SMIM14: variants seen among roughly 807,000 people sequenced by gnomAD.
SMIM14 encodes the protein chromosome 4 open reading frame 34.
In SMIM14, 5 loss-of-function variants were observed where a neutral mutation model predicts 12.6. That is an observed-to-expected ratio of 0.40 (90% CI 0.21 to 0.83). SMIM14 has a LOEUF of 0.83. Among genes scored for constraint, SMIM14 ranks in the 40% least tolerant of loss-of-function variants. The probability of loss-of-function intolerance (pLI) is 0.37; values close to 1 mark genes in which losing one functional copy is unlikely to be tolerated. For missense variants in SMIM14, 86 were observed against 119.1 expected (o/e 0.72, Z 1.29); for synonymous variants, 30 against 40.1 (o/e 0.75, Z 0.95).
At chr4:39,603,483 T>C (rs898353382) in intron 2 of SMIM14, among the ~76,000 whole-genome samples, 3 of 151,694 alleles carry the variant, frequency 2.0e-5, no homozygotes, top group Non-Finnish European at 4.4e-5. Context: ...GGCGTGAACC[T>C]GGGAGGCGGA....
intron 3 of SMIM14, among the ~76,000 whole-genome samples, chr4:39,565,567 GC>G (rs1712529909): frequency 6.6e-6 from 1 of 152,144 alleles, no homozygotes; most frequent in African/African-American, 2.4e-5. Context: ...CAAGTGATCT[GC>G]CTGCTTTGGC....
At chr4:39,572,086 G>T (rs1010594227) in intron 3 of SMIM14, among the ~76,000 whole-genome samples, 1 of 151,894 alleles carries the variant, frequency 6.6e-6, no homozygotes, top group African/African-American at 2.4e-5. Flanking sequence ...TTCCAGGTGT[G>T]AGCCACTGCA....
At chr4:39,565,158 C>T (rs907826521) in intron 3 of SMIM14, among the ~76,000 whole-genome samples, 5 of 152,148 alleles carry the variant, frequency 3.3e-5, no homozygotes, top group African/African-American at 1.2e-4. Flanking sequence ...GTTGAGGTTG[C>T]AGCAAGCCAT....
intron 2 of SMIM14, among the ~76,000 whole-genome samples, chr4:39,604,724 T>C (rs188955518): frequency 3.3e-4 from 50 of 151,682 alleles, no homozygotes; most frequent in Non-Finnish European, 6.3e-4. Context: ...AATTCTCGTG[T>C]CTCAGCCTTC....
intron 1 of SMIM14, among the ~76,000 whole-genome samples, chr4:39,630,736 C>G (rs765605335): frequency 6.6e-6 from 1 of 151,712 alleles, no homozygotes; most frequent in Non-Finnish European, 1.5e-5. Context: ...GTGGTGGGTG[C>G]CTGTAGTCCC....
At chr4:39,638,194 G>A (rs1204389144) in intron 1 of SMIM14, 1 of 152,316 alleles carries the variant, frequency 6.6e-6, no homozygotes. Flanking sequence ...TCCACTTACT[G>A]AGCAAACAGA....
At chr4:39,571,897 A>G (rs972491251) in intron 3 of SMIM14, among the ~76,000 whole-genome samples, 4 of 151,192 alleles carry the variant, frequency 2.6e-5, no homozygotes, top group Non-Finnish European at 5.9e-5. Flanking sequence ...CAACCTCCCC[A>G]GGCTCAGGTG....
chr4:39,594,564 A>C (rs1168985052), intron 2 of SMIM14: 2 of 148,554 alleles, frequency 1.3e-5, no homozygotes, highest in Non-Finnish European at 3.0e-5. Context: ...GGATCTAATT[A>C]AACTAAAGAG....
chr4:39,624,309 T>C (rs1374263948), intron 1 of SMIM14, among the ~76,000 whole-genome samples: 2 of 152,114 alleles, frequency 1.3e-5, no homozygotes, highest in Non-Finnish European at 2.9e-5. Context: ...GAAAATTTTC[T>C]GTTTTTAAAA....
intron 2 of SMIM14, among the ~76,000 whole-genome samples, chr4:39,591,834 G>A (rs1714096718): frequency 6.6e-6 from 1 of 152,110 alleles, no homozygotes; most frequent in South Asian, 2.1e-4. Flanking sequence ...CCAAAGTGCT[G>A]GGATTACAGG....
intron 2 of SMIM14, among the ~76,000 whole-genome samples, chr4:39,580,994 G>A (rs1365921541): frequency 6.6e-6 from 1 of 151,952 alleles, no homozygotes; most frequent in Non-Finnish European, 1.5e-5. Flanking sequence ...TCACATCATT[G>A]CAATATTATA....
intron 1 of SMIM14, among the ~76,000 whole-genome samples, chr4:39,617,353 GAA>G: frequency 6.6e-6 from 1 of 152,256 alleles, no homozygotes; most frequent in Admixed American, 6.5e-5. Flanking sequence ...TGTGTTTTCT[GAA>G]ATTACACCAT....
chr4:39,600,591 G>A (rs1293835710), intron 2 of SMIM14, among the ~76,000 whole-genome samples: 2 of 152,186 alleles, frequency 1.3e-5, no homozygotes, highest in African/African-American at 4.8e-5. Context: ...TCAGGAGGCT[G>A]AGGCAGGAGA....
rs576492408 is a variant in SMIM14, at chr4:39,592,352, C to G, written c.75+12719G>C. On this transcript the variant is annotated intron_variant, in intron 2 of 4. Coordinates refer to ENST00000295958, the MANE Select transcript of SMIM14 (RefSeq NM_174921.3). ...TCCTGCCTTTAAACAATCCTCCCGC[C>G]TCTGCCTCCGAAAGTGCTGAGATTA... Among the ~76,000 whole-genome samples, 397 of 151,298 alleles carry G rather than the reference C, an allele frequency of 2.6e-3. 2 individuals are homozygous for G. The highest frequency in any genetic ancestry group is 3.7e-3 in the Non-Finnish European group (249 of 67,892).
chr4:39,606,937 G>C (rs1364878505), intron 1 of SMIM14, among the ~76,000 whole-genome samples: 1 of 152,104 alleles, frequency 6.6e-6, no homozygotes, highest in Non-Finnish European at 1.5e-5. Flanking sequence ...ACACCAGATG[G>C]GTTTAACAGC....
At position 39,554,477 on chromosome 4, in the gene SMIM14, G is replaced by A. The variant is rs1021037140; in HGVS notation, c.267+1951C>T. Among the ~76,000 whole-genome samples, 6 of 151,890 alleles carry A rather than the reference G, an allele frequency of 4.0e-5. No homozygotes were observed. In the South Asian group the frequency reaches 1.2e-3, roughly 31 times the overall value. On this transcript the variant is annotated intron_variant, in intron 4 of 4. Coordinates refer to ENST00000295958, the MANE Select transcript of SMIM14 (RefSeq NM_174921.3). ...CCAAAAATTAGCCAGATGTGGTGGC[G>A]TGCACCTGTAATCCCAGCTACTCGG...
chr4:39,579,742 G>T (rs1362021620), intron 2 of SMIM14, among the ~76,000 whole-genome samples: 2 of 151,576 alleles, frequency 1.3e-5, no homozygotes, highest in Admixed American at 6.6e-5. Flanking sequence ...TGCTTGGGAG[G>T]CTGAGGCAGG....
chr4:39,586,739 G>GGTATTTGTTTAGGTATTTGTTT (rs1713802032), intron 2 of SMIM14, among the ~76,000 whole-genome samples: 4 of 152,054 alleles, frequency 2.6e-5, no homozygotes, highest in African/African-American at 4.8e-5. Context: ...ATTTGTTATA[G>GGTATTTGTTTAGGTATTTGTTT]TAGCATCCCA....
rs1197870581 is a variant in SMIM14 at position 39,548,124 on chromosome 4, C to G, written c.*4002G>C. 1 of 152,044 alleles carries G rather than the reference C, an allele frequency of 6.6e-6. No individual in the cohort carries two copies. Among genetic ancestry groups the G allele is most frequent in the Non-Finnish European group, 1.5e-5 (1 of 68,064 alleles). 9.4% of individuals were successfully genotyped at this position (152,044 alleles called of 1,614,324 possible). A position where few individuals can be genotyped will look rare whatever the true frequency, so the allele number is the denominator to read the frequency against. ...TTTTCCATGTTGGCCAGGCTGGTCT[C>G]GAACTCCTGACCTCAGGTGATCCAG... On this transcript the variant is annotated 3_prime_UTR_variant, in exon 5 of 5. Transcript: ENST00000295958.
Sources: gnomAD v4.1 joint callset for allele counts (sites outside exome capture counted in the v4.1 genomes callset) on GRCh38, gnomAD v4.1.1 for gene constraint, MANE v1.5 for transcripts, NCBI Gene and HGNC (gene_info 2026-07-23, HGNC 2026-07-21) for gene names.